Variants in SLA2 observed in about 807,000 individuals in gnomAD.
SLA2 encodes the protein src-like-adapter 2.
SLA2 carries 22 observed loss-of-function variants against 27.3 expected under a neutral mutation model. The observed-to-expected ratio is 0.81, with a 90% CI of 0.58 to 1.15. SLA2 has a LOEUF of 1.15. SLA2 is among the 50% of genes most tolerant of loss of function. The pLI is 0.00. For missense variants in SLA2, 304 were observed against 322.2 expected (o/e 0.94, Z 0.43); for synonymous variants, 131 against 137.8 (o/e 0.95, Z 0.34).
intron 6 of SLA2, 49 bp from the exon 7 acceptor site, chr20:36,614,486 TCCCCAACAGCCCTCA>T: frequency 6.5e-7 from 1 of 1,549,770 alleles, no homozygotes; most frequent in Middle Eastern, 2.0e-4. Context: ...ACCCTACTTC[TCCCCAACAGCCCTCA>T]CCCTGACAGC....
chr20:36,644,868 G>GTTTTTTTTTTTTTTT (rs3066378), intron 1 of SLA2, among the ~76,000 whole-genome samples: 1 of 80,676 alleles, frequency 1.2e-5, no homozygotes. Flanking sequence ...AGAATATTGT[G>GTTTTTTTTTTTTTTT]TTTTTTTTTT....
rs556697969 is a variant in SLA2 at position 36,623,209 on chromosome 20, G to A, written c.383-7835C>T. 2.8e-5 allele frequency among the ~76,000 whole-genome samples: 4 copies of A among 144,390 alleles called. No homozygotes were observed. In the East Asian group the frequency reaches 9.0e-4, roughly 33 times the overall value. 94.7% of individuals were successfully genotyped at this position (144,390 alleles called of 152,430 possible). On this transcript the variant is annotated intron_variant, in intron 5 of 7. Transcript: ENST00000262866. ...TTTGAACCAGGAGGCAGACGTTGCA[G>A]TGAGCCGAGATCAGGCCACTGCACT...
intron 5 of SLA2, among the ~76,000 whole-genome samples, chr20:36,624,002 G>A (rs1178479629): frequency 6.6e-6 from 1 of 152,112 alleles, no homozygotes; most frequent in East Asian, 1.9e-4. Flanking sequence ...ATCAGAAAGG[G>A]TAGCTACACT....
rs764018837 is a variant in SLA2, at chr20:36,632,576, T to G, written c.382+19A>C. 7.5e-6 allele frequency: 12 copies of G among 1,599,712 alleles called. No homozygotes were observed. The East Asian group carries it at 2.7e-4, about 36-fold the overall frequency. On this transcript the variant is annotated intron_variant, in intron 5 of 7. Coordinates refer to ENST00000262866, the MANE Select transcript of SLA2 (RefSeq NM_032214.4). ...ACCTCCACGTAGGGAGGGCCTGGGC[T>G]GGCACCGAGCTTACTCACCTCTCCT...
In SLA2 at chr20:36,640,563, CAGTGGCAT is replaced by C. The variant is rs2039496736; in HGVS notation, c.91+674_91+681del. ...TCACTCTGTTGCCCAGGCTGGAGTGCAGTGGCATAGTGGCATGATCTCGGCTCACTGCA... is the reference window on the plus strand; with the variant it reads ...TCACTCTGTTGCCCAGGCTGGAGTGCAGTGGCATGATCTCGGCTCACTGCA... On this transcript the variant is annotated intron_variant, in intron 2 of 7. Coordinates refer to ENST00000262866, the MANE Select transcript of SLA2 (RefSeq NM_032214.4). Among the ~76,000 whole-genome samples, 3 of 147,124 alleles carry C rather than the reference CAGTGGCAT, an allele frequency of 2.0e-5. No homozygotes were observed. The South Asian group carries it at 6.4e-4, about 31-fold the overall frequency.
chr20:36,623,764 G>A (rs1017763986), intron 5 of SLA2, among the ~76,000 whole-genome samples: 1 of 152,114 alleles, frequency 6.6e-6, no homozygotes, highest in East Asian at 1.9e-4. Flanking sequence ...AAGTAGCTGG[G>A]GCTATAGGTG....
chr20:36,621,439 G>T (rs542105563), intron 5 of SLA2: 4 of 511,456 alleles, frequency 7.8e-6, no homozygotes, highest in South Asian at 3.1e-5. Context: ...GCAGAAAAAG[G>T]CTATAGTGTT....
intron 1 of SLA2, among the ~76,000 whole-genome samples, chr20:36,643,192 G>C (rs1428036901): frequency 6.6e-6 from 1 of 152,206 alleles, no homozygotes; most frequent in Non-Finnish European, 1.5e-5. Context: ...CAGACAGGTA[G>C]GTGTCTTATC....
chr20:36,621,163 G>T, intron 5 of SLA2: 1 of 445,774 alleles, frequency 2.2e-6, no homozygotes. Flanking sequence ...TGGTGGTGGA[G>T]CAAGATATGA....
chr20:36,614,207 C>A, intron 7 of SLA2, 98 bp downstream of exon 7: 1 of 1,592,488 alleles, frequency 6.3e-7, no homozygotes, highest in South Asian at 1.1e-5. Context: ...CCAGGTGTCC[C>A]TGAGTGTGAC....
intron 2 of SLA2, among the ~76,000 whole-genome samples, chr20:36,640,886 G>A (rs980886183): frequency 6.6e-6 from 1 of 152,156 alleles, no homozygotes; most frequent in African/African-American, 2.4e-5. Flanking sequence ...GTGCAGCTCT[G>A]GGGGCTGGGG....
chr20:36,636,811 G>T (rs1204681972), intron 2 of SLA2, among the ~76,000 whole-genome samples: 1 of 150,362 alleles, frequency 6.7e-6, no homozygotes, highest in Non-Finnish European at 1.5e-5. Flanking sequence ...AGCTGGGCTT[G>T]GTGGTGGCAC....
At chr20:36,643,312 G>T (rs1393500821) in intron 1 of SLA2, among the ~76,000 whole-genome samples, 1 of 152,158 alleles carries the variant, frequency 6.6e-6, no homozygotes, top group Non-Finnish European at 1.5e-5. Context: ...TTTTCAGATG[G>T]TTTCATTCTT....
At chr20:36,617,533 CAAAAAAAAA>C (rs1159077334) in intron 5 of SLA2, among the ~76,000 whole-genome samples, 1 of 56,806 alleles carries the variant, frequency 1.8e-5, no homozygotes, top group East Asian at 5.3e-4. Context: ...GACCCTGTCT[CAAAAAAAAA>C]AAAAAAAAAA....
At chr20:36,614,480 T>A (rs1246817004) in intron 6 of SLA2, 43 bp from the exon 7 acceptor site, 3 of 1,557,058 alleles carry the variant, frequency 1.9e-6, no homozygotes, top group Non-Finnish European at 2.6e-6. Flanking sequence ...GACTCCACCC[T>A]ACTTCTCCCC....
At chr20:36,621,006 T>C in intron 5 of SLA2, 7 of 364,226 alleles carry the variant, frequency 1.9e-5, no homozygotes, top group Non-Finnish European at 3.3e-5. Context: ...ACTTTGGAGG[T>C]AGTAGAGGTA....
intron 5 of SLA2, among the ~76,000 whole-genome samples, chr20:36,630,315 C>T (rs1018705591): frequency 5.3e-5 from 8 of 152,178 alleles, no homozygotes; most frequent in Non-Finnish European, 1.0e-4. Context: ...AACCCAAGAA[C>T]GCCCAAGGGC....
intron 1 of SLA2, among the ~76,000 whole-genome samples, chr20:36,643,946 T>C (rs780140967): frequency 7.2e-5 from 11 of 151,964 alleles, no homozygotes; most frequent in Non-Finnish European, 1.2e-4. Context: ...AGCGAGACTC[T>C]GTACCCCCCT....
At chr20:36,641,090 C>A (rs560374716) in intron 2 of SLA2, among the ~76,000 whole-genome samples, 155 bp downstream of exon 2, 1 of 152,312 alleles carries the variant, frequency 6.6e-6, no homozygotes, top group South Asian at 2.1e-4. Flanking sequence ...GGAGCAGGGA[C>A]CCTGCTGTAT....
Sources: allele counts gnomAD v4.1 joint callset (sites outside exome capture counted in the v4.1 genomes callset), GRCh38; gene constraint gnomAD v4.1.1; transcripts MANE v1.5; gene names NCBI Gene and HGNC (gene_info 2026-07-23, HGNC 2026-07-21).